Variants in GRID2 observed in about 807,000 individuals in gnomAD.
The protein encoded by GRID2 is glutamate receptor ionotropic, delta-2.
In GRID2, 33 loss-of-function variants were observed where a neutral mutation model predicts 114.8. The observed-to-expected ratio is 0.29, with a 90% CI of 0.22 to 0.38. The LOEUF (loss-of-function observed/expected upper bound fraction) is 0.38, where lower values mean the gene tolerates loss of function less well. Among genes scored for constraint, GRID2 ranks in the 10% least tolerant of loss-of-function variants. GRID2 has a pLI of 1.00. For synonymous variants in GRID2, 505 were observed against 449.9 expected, an observed-to-expected ratio of 1.12 and a Z score of -1.55; for missense variants, 1,184 against 1,257.7, an observed-to-expected ratio of 0.94 and a Z score of 0.89.
chr4:93,513,129 G>T (rs944329232), intron 12 of GRID2, among the ~76,000 whole-genome samples: 5 of 152,264 alleles, frequency 3.3e-5, no homozygotes, highest in Admixed American at 1.3e-4. Flanking sequence ...GGTGTCTGGT[G>T]ACCTGCAATA....
intron 2 of GRID2, among the ~76,000 whole-genome samples, chr4:92,734,630 T>G (rs1323239953): frequency 6.6e-6 from 1 of 152,034 alleles, no homozygotes; most frequent in East Asian, 1.9e-4. Context: ...AACTTGACAT[T>G]CATGAATACT....
intron 2 of GRID2, among the ~76,000 whole-genome samples, chr4:92,723,304 A>T (rs1451805996): frequency 6.6e-6 from 1 of 152,146 alleles, no homozygotes. Flanking sequence ...AAAAATTTCA[A>T]TAAATTACTT....
At chr4:92,665,085 A>T (rs1385019682) in intron 2 of GRID2, among the ~76,000 whole-genome samples, 1 of 149,876 alleles carries the variant, frequency 6.7e-6, no homozygotes, top group Non-Finnish European at 1.5e-5. Context: ...TTCTGCAAGC[A>T]TTATAAATTT....
At chr4:93,466,685 C>G (rs1044996845) in intron 11 of GRID2, among the ~76,000 whole-genome samples, 1 of 152,120 alleles carries the variant, frequency 6.6e-6, no homozygotes. Context: ...GCTTCTGCCC[C>G]GGCCCTGTTT....
chr4:92,713,142 C>G (rs575672593), intron 2 of GRID2, among the ~76,000 whole-genome samples: 67 of 150,406 alleles, frequency 4.5e-4, no homozygotes, highest in Admixed American at 4.3e-3. Flanking sequence ...GCTATCCCTC[C>G]CCGCTCCCCC....
At chr4:92,440,533 G>A (rs559037540) in intron 1 of GRID2, among the ~76,000 whole-genome samples, 212 of 152,080 alleles carry the variant, frequency 1.4e-3, no homozygotes, top group African/African-American at 4.3e-3. Context: ...AGGGAAGGGA[G>A]GGGGCCTGAA....
chr4:93,081,612 G>T, intron 2 of GRID2, among the ~76,000 whole-genome samples: 1 of 152,180 alleles, frequency 6.6e-6, no homozygotes, highest in African/African-American at 2.4e-5. Context: ...AAACCAGCAA[G>T]CTTTTCAATA....
chr4:92,578,828 T>C (rs573487037), intron 1 of GRID2, among the ~76,000 whole-genome samples: 1 of 152,168 alleles, frequency 6.6e-6, no homozygotes, highest in African/African-American at 2.4e-5. Context: ...TTCAAACTCT[T>C]AATAATGTAG....
chr4:93,124,433 A>G (rs1193145275), intron 4 of GRID2, among the ~76,000 whole-genome samples: 3 of 152,204 alleles, frequency 2.0e-5, no homozygotes, highest in Non-Finnish European at 2.9e-5. Flanking sequence ...TTTGCTTAGT[A>G]CATAAATGGC....
intron 2 of GRID2, among the ~76,000 whole-genome samples, chr4:92,844,722 A>T (rs1743171203): frequency 6.7e-6 from 1 of 150,090 alleles, no homozygotes; most frequent in Admixed American, 6.7e-5. Context: ...AAAAAAAAAG[A>T]AAGAAAAAAA....
intron 4 of GRID2, among the ~76,000 whole-genome samples, chr4:93,163,388 ATATATATATATACAC>A (rs1737918240): frequency 2.2e-5 from 1 of 46,160 alleles, no homozygotes. Context: ...ATATATATAT[ATATATATATATACAC>A]TATATATATA....
intron 1 of GRID2, among the ~76,000 whole-genome samples, chr4:93,783,547 A>G (rs1258408301): frequency 1.3e-5 from 2 of 152,222 alleles, no homozygotes; most frequent in African/African-American, 4.8e-5. Flanking sequence ...TACAAATGGT[A>G]AATAAAAACT....
intron 13 of GRID2, among the ~76,000 whole-genome samples, chr4:93,517,558 A>G (rs1192235761): frequency 6.6e-6 from 1 of 152,098 alleles, no homozygotes; most frequent in African/African-American, 2.4e-5. Context: ...ACAATTGATT[A>G]GACAGAGAGC....
At chr4:93,681,930 G>A (rs949160414) in intron 14 of GRID2, among the ~76,000 whole-genome samples, 13 of 151,124 alleles carry the variant, frequency 8.6e-5, no homozygotes, top group African/African-American at 3.2e-4. Context: ...ATTGACGAAT[G>A]GGATCTCATT....
chr4:92,809,097 C>G (rs1476359550), intron 2 of GRID2, among the ~76,000 whole-genome samples: 2 of 151,934 alleles, frequency 1.3e-5, no homozygotes, highest in Non-Finnish European at 2.9e-5. Flanking sequence ...AATATAATAT[C>G]TTGCTAAATT....
intron 11 of GRID2, among the ~76,000 whole-genome samples, chr4:93,481,544 T>G (rs536460816): frequency 1.3e-3 from 204 of 152,230 alleles, no homozygotes; most frequent in Admixed American, 1.8e-3. Flanking sequence ...ATTTGCACTC[T>G]GTATTCATTC....
intron 14 of GRID2, among the ~76,000 whole-genome samples, chr4:93,632,815 C>A (rs1177820983): frequency 6.6e-6 from 1 of 152,050 alleles, no homozygotes; most frequent in Non-Finnish European, 1.5e-5. Context: ...GGCAGTATGG[C>A]CATTTTCACG....
intron 5 of GRID2, among the ~76,000 whole-genome samples, chr4:93,207,989 A>C (rs572425948): frequency 3.7e-4 from 56 of 152,088 alleles, no homozygotes; most frequent in African/African-American, 1.2e-3. Flanking sequence ...ATAATACATA[A>C]GATTAAAAAT....
chr4:92,893,886 G>T (rs1179209659), intron 2 of GRID2, among the ~76,000 whole-genome samples: 1 of 152,144 alleles, frequency 6.6e-6, no homozygotes. Flanking sequence ...AAATTTCCAA[G>T]TTCTGCATAA....
Sources: allele counts gnomAD v4.1 joint callset (sites outside exome capture counted in the v4.1 genomes callset), GRCh38; gene constraint gnomAD v4.1.1; transcripts MANE v1.5; gene names NCBI Gene and HGNC (gene_info 2026-07-23, HGNC 2026-07-21).